Variants in ARK2N observed in about 807,000 individuals in gnomAD.
ARK2N encodes protein ARK2N.
the ARK2N span, among the ~76,000 whole-genome samples, chr18:46,249,560 C>T: frequency 3.5e-3 from 528 of 152,298 alleles, 3 homozygotes; most frequent in African/African-American, 0.011. Context: ...GTGGCTACTT[C>T]GCTTTTCTGC....
At chr18:46,188,985 C>G in the ARK2N span, among the ~76,000 whole-genome samples, 5 of 151,994 alleles carry the variant, frequency 3.3e-5, no homozygotes, top group Non-Finnish European at 4.4e-5. Context: ...GAGGCCGAGG[C>G]GGGTGGATCA....
the ARK2N span, chr18:46,216,222 G>A: frequency 1.2e-6 from 2 of 1,613,806 alleles, no homozygotes; most frequent in Admixed American, 3.3e-5. This position sits in a 1 kb window ranked among gnomAD's most constrained non-coding sequence, Gnocchi z 4.3. Context: ...CCGCAGAAGA[G>A]AATGAACCCT....
At chr18:46,215,926 T>A in the ARK2N span, 1 of 1,613,970 alleles carries the variant, frequency 6.2e-7, no homozygotes, top group Non-Finnish European at 8.5e-7. Flanking sequence ...ACTCATTGAG[T>A]CCGAAGCCCC....
chr18:46,216,390 G>A, the ARK2N span: 14,194 of 1,614,132 alleles, frequency 8.8e-3, 91 homozygotes, highest in South Asian at 0.015. This position sits in a 1 kb window ranked among gnomAD's most constrained non-coding sequence, Gnocchi z 4.3. Flanking sequence ...GAGTCGCCAA[G>A]GTTAAAGGTC....
At chr18:46,248,483 T>C in the ARK2N span, among the ~76,000 whole-genome samples, 1 of 152,176 alleles carries the variant, frequency 6.6e-6, no homozygotes, top group Non-Finnish European at 1.5e-5. Flanking sequence ...GGTGAAAGTA[T>C]AGTGTTTTAC....
chr18:46,179,921 G>T, the ARK2N span, among the ~76,000 whole-genome samples: 1 of 151,970 alleles, frequency 6.6e-6, no homozygotes, highest in African/African-American at 2.4e-5. Context: ...CACTGCGCCC[G>T]GCCTAAAGTT....
the ARK2N span, among the ~76,000 whole-genome samples, chr18:46,207,704 C>T: frequency 2.0e-5 from 3 of 152,136 alleles, no homozygotes; most frequent in African/African-American, 7.2e-5. Flanking sequence ...ACTTCTTTCA[C>T]TGCAGGTGTA....
At chr18:46,174,716 C>A in the ARK2N span, among the ~76,000 whole-genome samples, 3 of 152,130 alleles carry the variant, frequency 2.0e-5, no homozygotes, top group African/African-American at 7.2e-5. Flanking sequence ...CGGGGGGAAG[C>A]GACTTCACGG....
At chr18:46,175,037 G>A in the ARK2N span, among the ~76,000 whole-genome samples, 2 of 152,304 alleles carry the variant, frequency 1.3e-5, no homozygotes, top group South Asian at 2.1e-4. Context: ...AAACCGGCGA[G>A]GATGTACACT....
the ARK2N span, among the ~76,000 whole-genome samples, chr18:46,212,292 A>G: frequency 3.9e-5 from 6 of 152,164 alleles, no homozygotes; most frequent in Non-Finnish European, 8.8e-5. Flanking sequence ...TCACAAATTC[A>G]AGAGATACAA....
chr18:46,214,719 G>A, the ARK2N span, among the ~76,000 whole-genome samples: 1 of 152,312 alleles, frequency 6.6e-6, no homozygotes, highest in African/African-American at 2.4e-5. Flanking sequence ...AGTGTACAAT[G>A]GGTGTAGAGT....
At chr18:46,235,778 T>C in the ARK2N span, among the ~76,000 whole-genome samples, 1 of 152,358 alleles carries the variant, frequency 6.6e-6, no homozygotes, top group South Asian at 2.1e-4. Flanking sequence ...AGTTTTAAAA[T>C]CTTGTGCTTC....
At chr18:46,195,923 A>G in the ARK2N span, among the ~76,000 whole-genome samples, 1 of 151,972 alleles carries the variant, frequency 6.6e-6, no homozygotes, top group Admixed American at 6.6e-5. Flanking sequence ...TGTCATCTGC[A>G]ACAATTAACA....
chr18:46,203,382 A>G, the ARK2N span, among the ~76,000 whole-genome samples: 2 of 152,170 alleles, frequency 1.3e-5, no homozygotes, highest in African/African-American at 2.4e-5. Context: ...GAAACTTGAC[A>G]CGAAAATAAA....
the ARK2N span, among the ~76,000 whole-genome samples, chr18:46,184,973 C>T: frequency 6.6e-6 from 1 of 152,146 alleles, no homozygotes; most frequent in Non-Finnish European, 1.5e-5. Context: ...AACAGCTTTA[C>T]TAGGCTATTA....
chr18:46,240,914 G>A, the ARK2N span, among the ~76,000 whole-genome samples: 1 of 152,166 alleles, frequency 6.6e-6, no homozygotes, highest in East Asian at 1.9e-4. Context: ...TGTTGTTGTT[G>A]TGAAAATACT....
the ARK2N span, among the ~76,000 whole-genome samples, chr18:46,184,508 A>G: frequency 1.3e-5 from 2 of 152,288 alleles, no homozygotes; most frequent in Admixed American, 1.3e-4. Context: ...GATGGCTTAA[A>G]TACAGGAGTT....
chr18:46,197,112 T>G, the ARK2N span, among the ~76,000 whole-genome samples: 2 of 152,214 alleles, frequency 1.3e-5, no homozygotes, highest in Non-Finnish European at 2.9e-5. Context: ...AAGGTCACCC[T>G]TTTGAAGGGA....
the ARK2N span, chr18:46,240,150 G>A: frequency 6.2e-7 from 1 of 1,614,182 alleles, no homozygotes; most frequent in South Asian, 1.1e-5. Flanking sequence ...CTACCTGGAG[G>A]ACCAGCGGGC....
Sources: allele counts gnomAD v4.1 joint callset (sites outside exome capture counted in the v4.1 genomes callset), GRCh38; gene constraint gnomAD v4.1.1; non-coding constraint Gnocchi (gnomAD v3.1); transcripts MANE v1.5; gene names NCBI Gene and HGNC (gene_info 2026-07-23, HGNC 2026-07-21).